The following ABL1 variants were observed in gnomAD, a reference collection of about 807,000 sequenced individuals.
ABL1 encodes the protein tyrosine-protein kinase ABL1.
A neutral mutation model predicts 94.7 loss-of-function variants in ABL1; 11 were observed. The ratio of observed to expected loss-of-function variants is 0.12; its 90% CI spans 0.07 to 0.19. ABL1 has a LOEUF of 0.19. Ranked by LOEUF, ABL1 falls within the 10% of genes least tolerant of loss-of-function variation. The pLI is 1.00. For synonymous variants in ABL1, 656 were observed against 622.4 expected, an observed-to-expected ratio of 1.05 and a Z score of -0.80; for missense variants, 1,082 against 1,489.4, an observed-to-expected ratio of 0.73 and a Z score of 4.50.
At chr9:130,853,993 G>A in intron 1 of ABL1, 71 bp from the exon 2 acceptor site, 11 of 1,503,178 alleles carry the variant, frequency 7.3e-6, no homozygotes, top group Non-Finnish European at 9.8e-6. Flanking sequence ...TTGCTTCTGA[G>A]AATAAAACTA....
At chr9:130,795,810 A>G (rs1829966731) in intron 1 of ABL1, among the ~76,000 whole-genome samples, 1 of 152,234 alleles carries the variant, frequency 6.6e-6, no homozygotes, top group Admixed American at 6.5e-5. Context: ...GAAATATAAA[A>G]TAAGATACTA....
chr9:130,859,677 CTTTTTTTTTTTT>C lies in ABL1; in HGVS notation c.550-3068_550-3057del, dbSNP rs869234280. 3.4e-3 allele frequency among the ~76,000 whole-genome samples: 266 copies of C among 78,454 alleles called. 3 individuals carry two copies. The highest frequency in any genetic ancestry group is 0.015 in the South Asian group (38 of 2,458). 51.5% of individuals were successfully genotyped at this position (78,454 alleles called of 152,430 possible). A position where few individuals can be genotyped will look rare whatever the true frequency, so the allele number is the denominator to read the frequency against. On this transcript the variant is annotated intron_variant, in intron 3 of 10. Transcript: ENST00000318560. ...AAACGCTGTTTCTTTTCTTTCTTTC[CTTTTTTTTTTTT>C]TTTTTTTTTTTTTTTTTGAGACAGG...
At position 130,864,864 on chromosome 9, in the gene ABL1, C is replaced by G. The variant is rs562649301; in HGVS notation, c.822+1829C>G. On this transcript the variant is annotated intron_variant, in intron 4 of 10. Transcript: ENST00000318560. ...TGGCCTAGATTTCAGCACACTTTCACCAGGATTTGTCAAATGAAGGAAGAT... is the reference window on the plus strand; with the variant it reads ...TGGCCTAGATTTCAGCACACTTTCAGCAGGATTTGTCAAATGAAGGAAGAT... Among the ~76,000 whole-genome samples, 9 of 152,302 alleles carry G rather than the reference C, an allele frequency of 5.9e-5. No homozygotes were observed. The East Asian group carries it at 1.4e-3, about 23-fold the overall frequency.
intron 1 of ABL1, among the ~76,000 whole-genome samples, chr9:130,772,026 T>C (rs1202113378): frequency 2.0e-5 from 3 of 152,206 alleles, no homozygotes; most frequent in African/African-American, 4.8e-5. Flanking sequence ...AGTGCTGGGA[T>C]TACAGGCATG....
chr9:130,842,528 A>T (rs1830691669), intron 1 of ABL1, among the ~76,000 whole-genome samples: 1 of 152,202 alleles, frequency 6.6e-6, no homozygotes, highest in Non-Finnish European at 1.5e-5. Context: ...TGCTTTTTGA[A>T]GCCAAAATAC....
chr9:130,842,207 G>A (rs1192268036), intron 1 of ABL1, among the ~76,000 whole-genome samples: 1 of 152,182 alleles, frequency 6.6e-6, no homozygotes, highest in African/African-American at 2.4e-5. Context: ...TAGCTGGAGA[G>A]AGAGGCCATC....
In ABL1 at chr9:130,835,308, C is replaced by G. The variant is rs1265061143; in HGVS notation, c.-139C>G. On this transcript the variant is annotated 5_prime_UTR_variant, in exon 1 of 11. Coordinates refer to ENST00000318560, the MANE Select transcript of ABL1 (RefSeq NM_005157.6). The surrounding 1 kb of genome is among the most constrained non-coding windows in gnomAD (Gnocchi z 4.6). ...ACGCGGCCGCGGCCATGGGCGGGCGCGGGCGCGCGGGGCGGCGGTGAGGGC... is the reference window on the plus strand; with the variant it reads ...ACGCGGCCGCGGCCATGGGCGGGCGGGGGCGCGCGGGGCGGCGGTGAGGGC... 6.4e-6 allele frequency: 1 copy of G among 156,352 alleles called. No individual in the cohort carries two copies. The allele number at this position is 156,352 out of a possible 1,614,324, so 9.7% of individuals were successfully genotyped here.
chr9:130,759,963 ATTTTTTTT>A (rs34154339), intron 1 of ABL1, among the ~76,000 whole-genome samples: 3 of 93,028 alleles, frequency 3.2e-5, no homozygotes, highest in African/African-American at 1.4e-4. Flanking sequence ...AGGTAATTTA[ATTTTTTTT>A]TTTTTTTTTT....
intron 1 of ABL1, among the ~76,000 whole-genome samples, chr9:130,827,206 GC>G (rs1830437965): frequency 1.3e-5 from 2 of 152,230 alleles, no homozygotes; most frequent in Admixed American, 1.3e-4. Flanking sequence ...TTAAAAGTCT[GC>G]ATACTGAATA....
intron 1 of ABL1, among the ~76,000 whole-genome samples, chr9:130,782,559 G>A (rs1004997033): frequency 1.3e-5 from 2 of 152,106 alleles, no homozygotes; most frequent in Non-Finnish European, 2.9e-5. Flanking sequence ...ACCATTAACC[G>A]TGTTACCCCT....
chr9:130,861,951 G>A (rs1831079818), intron 3 of ABL1, among the ~76,000 whole-genome samples: 1 of 152,186 alleles, frequency 6.6e-6, no homozygotes, highest in Non-Finnish European at 1.5e-5. Context: ...GCTCTGTTGT[G>A]TCCAGATGCA....
At chr9:130,826,888 C>G (rs918830416) in intron 1 of ABL1, among the ~76,000 whole-genome samples, 1 of 152,198 alleles carries the variant, frequency 6.6e-6, no homozygotes, top group East Asian at 1.9e-4. Flanking sequence ...ACCATCCTGG[C>G]TAATGTGGTG....
intron 3 of ABL1, among the ~76,000 whole-genome samples, chr9:130,857,451 T>G (rs1156278572): frequency 6.6e-6 from 1 of 152,186 alleles, no homozygotes; most frequent in Non-Finnish European, 1.5e-5. Context: ...TGCCATTTAG[T>G]AAATTCATCT....
chr9:130,771,870 C>T (rs1242747134), intron 1 of ABL1, among the ~76,000 whole-genome samples: 17 of 151,496 alleles, frequency 1.1e-4, no homozygotes, highest in Admixed American at 1.1e-3. Flanking sequence ...CCTCCCACCT[C>T]AGCCTCCTGA....
chr9:130,844,080 G>C (rs1226900884), intron 1 of ABL1, among the ~76,000 whole-genome samples: 4 of 152,150 alleles, frequency 2.6e-5, no homozygotes, highest in Non-Finnish European at 5.9e-5. Flanking sequence ...GTAAGTGGTA[G>C]CTGACCATTG....
intron 1 of ABL1, among the ~76,000 whole-genome samples, chr9:130,837,182 T>G (rs1044962464): frequency 6.6e-6 from 1 of 152,186 alleles, no homozygotes; most frequent in African/African-American, 2.4e-5. Flanking sequence ...GGGTGGAGAT[T>G]GTTTATTTGT....
intron 10 of ABL1, among the ~76,000 whole-genome samples, chr9:130,881,480 T>C (rs945534481): frequency 2.0e-5 from 3 of 152,194 alleles, no homozygotes; most frequent in African/African-American, 7.2e-5. Flanking sequence ...GGTCACATCT[T>C]ACTTGGCGGC....
At chr9:130,877,470 T>C (rs1831366171) in intron 7 of ABL1, among the ~76,000 whole-genome samples, 1 of 148,014 alleles carries the variant, frequency 6.8e-6, no homozygotes, top group Non-Finnish European at 1.5e-5. Context: ...GTCACAGAGC[T>C]AAGAGTTAAC....
At chr9:130,878,756 T>G (rs1022218234) in intron 8 of ABL1, among the ~76,000 whole-genome samples, 189 bp downstream of exon 8, 1 of 152,228 alleles carries the variant, frequency 6.6e-6, no homozygotes, top group Non-Finnish European at 1.5e-5. Context: ...TGTGCGTGAC[T>G]TGTCTTTTAA....
Sources: gnomAD v4.1 joint callset for allele counts (sites outside exome capture counted in the v4.1 genomes callset) on GRCh38, gnomAD v4.1.1 for gene constraint, Gnocchi (gnomAD v3.1) non-coding constraint, MANE v1.5 for transcripts, NCBI Gene and HGNC (gene_info 2026-07-23, HGNC 2026-07-21) for gene names.